Variants in GAS6 observed in about 807,000 individuals in gnomAD.
GAS6 encodes growth arrest-specific protein 6.
In GAS6, 41 loss-of-function variants were observed where a neutral mutation model predicts 75.8. The ratio of observed to expected loss-of-function variants is 0.54; its 90% CI spans 0.42 to 0.70. The LOEUF (loss-of-function observed/expected upper bound fraction) is 0.70. Among genes scored for constraint, GAS6 ranks in the 30% least tolerant of loss-of-function variants. The pLI is 0.00. For synonymous variants in GAS6, 432 were observed against 412.6 expected, an observed-to-expected ratio of 1.05 and a Z score of -0.57; for missense variants, 854 against 940.2, an observed-to-expected ratio of 0.91 and a Z score of 1.20.
intron 4 of GAS6, among the ~76,000 whole-genome samples, chr13:113,846,202 CAT>C (rs10547109): frequency 0.11 from 16,837 of 152,284 alleles, 1,131 homozygotes; most frequent in African/African-American, 0.18. Flanking sequence ...GCCGCTCACA[CAT>C]GTTTACATGT....
At chr13:113,860,082 C>T (rs1257895350) in intron 2 of GAS6, among the ~76,000 whole-genome samples, 1 of 152,236 alleles carries the variant, frequency 6.6e-6, no homozygotes, top group Middle Eastern at 3.2e-3. Context: ...GATGCACCAA[C>T]ATCCCATGCG....
At chr13:113,859,009 TGTTA>T (rs368803782) in intron 2 of GAS6, among the ~76,000 whole-genome samples, 1 of 151,908 alleles carries the variant, frequency 6.6e-6, no homozygotes, top group Non-Finnish European at 1.5e-5. Flanking sequence ...TATACATGTC[TGTTA>T]GTATGTGTGC....
At chr13:113,859,566 G>A (rs2051954075) in intron 2 of GAS6, among the ~76,000 whole-genome samples, 1 of 152,124 alleles carries the variant, frequency 6.6e-6, no homozygotes. Context: ...GTATATCTAT[G>A]TGAATGTGTG....
In GAS6 at chr13:113,837,651, T is replaced by C. The variant is rs751090437; in HGVS notation, c.589+418A>G. Among the ~76,000 whole-genome samples the C allele has an allele frequency of 6.6e-6, 1 of 151,978 alleles. No homozygotes were observed. The highest frequency in any genetic ancestry group is 2.1e-4 in the South Asian group (1 of 4,816). ...GTGGGGAGGGCAGGGCTATATTTAG[T>C]GGACAGAGGGAGACCAACAACGGGG... On this transcript the variant is annotated intron_variant, in intron 6 of 14. Coordinates refer to ENST00000327773, the MANE Select transcript of GAS6 (RefSeq NM_000820.4). The surrounding 1 kb of genome is among the most constrained non-coding windows in gnomAD (Gnocchi z 5.1).
chr13:113,834,578 C>T lies in GAS6; in HGVS notation c.807G>A (p.Lys269=). 1 of 1,602,234 alleles carries T rather than the reference C, an allele frequency of 6.2e-7. No individual in the cohort carries two copies. Among genetic ancestry groups the T allele is most frequent in the Non-Finnish European group, 8.5e-7 (1 of 1,175,404 alleles). The change falls in exon 8 of 15, where the codon AAG becomes AAA. Residue 269 remains lysine, a synonymous_variant. Coordinates refer to ENST00000327773, the MANE Select transcript of GAS6 (RefSeq NM_000820.4). ...TCHCDGRGGL[K]LSQDMDTCED... Reference sequence around the variant, plus strand: ...CACAGGTGTCCATGTCCTGGGACAGCTTGAGGCCCCCACGCCCGTCACAGT... The same window carrying T: ...CACAGGTGTCCATGTCCTGGGACAGTTTGAGGCCCCCACGCCCGTCACAGT...
In GAS6 at chr13:113,846,587, A is replaced by G. The variant is rs2051835668; in HGVS notation, c.283T>C (p.Cys95Arg). The change falls in exon 4 of 15, where the codon TGC becomes CGC. Residue 95 changes from cysteine (C) to arginine (R), a missense_variant and splice_region_variant. Cys to Arg is a radical substitution (Grantham distance 180). Coordinates refer to ENST00000327773, the MANE Select transcript of GAS6 (RefSeq NM_000820.4). ...TDYFYPRYLDCINKYGSPYTK... is the reference protein window; with the variant it reads ...TDYFYPRYLDRINKYGSPYTK... ...TACGGAGACCCATACTTGTTGATGC[A>G]GTCTGCAGGAAGAAAGGGAATGGAT... 6.2e-7 allele frequency: 1 copy of G among 1,613,764 alleles called. No individual in the cohort carries two copies. The highest frequency in any genetic ancestry group is 8.5e-7 in the Non-Finnish European group (1 of 1,179,714).
intron 10 of GAS6, among the ~76,000 whole-genome samples, chr13:113,830,916 G>T (rs1265721660): frequency 6.6e-6 from 1 of 152,270 alleles, no homozygotes; most frequent in Non-Finnish European, 1.5e-5. Context: ...TAGCTTTGCT[G>T]AGAACAGCCT....
chr13:113,863,707 G>A lies in GAS6; in HGVS notation c.123C>T (p.Phe41=), dbSNP rs201378406. 16 of 1,510,808 alleles carry A rather than the reference G, an allele frequency of 1.1e-5. No individual in the cohort carries two copies. Among genetic ancestry groups the A allele is most frequent in the Non-Finnish European group, 1.2e-5 (14 of 1,132,292 alleles). 93.6% of individuals were successfully genotyped at this position (1,510,808 alleles called of 1,614,324 possible). ...AGGCGCGGCGCTGCCTGGGCCGCAG[G>A]AACTGCGTGGCCTCGCGCGCCGGCA... The part of the protein sequence containing the change: ...ALLPAREATQ[F]LRPRQRRAFQ... Residue 41 remains phenylalanine, a synonymous_variant, in exon 2 of 15, where the codon TTC becomes TTT. Coordinates refer to ENST00000327773, the MANE Select transcript of GAS6 (RefSeq NM_000820.4). This position sits in a 1 kb window ranked among gnomAD's most constrained non-coding sequence, Gnocchi z 9.4.
At chr13:113,860,781 G>A (rs1023284452) in intron 2 of GAS6, among the ~76,000 whole-genome samples, 7 of 152,218 alleles carry the variant, frequency 4.6e-5, no homozygotes, top group Non-Finnish European at 1.0e-4. Context: ...AGAGGGCTGG[G>A]GAGGTGGGAG....
Position 113,842,626 on chromosome 13 carries a change from G to A in GAS6, c.344-2776C>T, listed in dbSNP as rs555922030. On this transcript the variant is annotated intron_variant, in intron 4 of 14. Coordinates refer to ENST00000327773, the MANE Select transcript of GAS6 (RefSeq NM_000820.4). Reference sequence around the variant, plus strand: ...CTTCTCCACCCTGGCCTCAGATGAAGAGGCTCTGGGGGCAGGAGGGAGTCA... The same window carrying A: ...CTTCTCCACCCTGGCCTCAGATGAAAAGGCTCTGGGGGCAGGAGGGAGTCA... The A allele has an allele frequency of 2.0e-5, 8 of 397,318 alleles. No homozygotes were observed. The South Asian group carries it at 1.0e-3, about 51-fold the overall frequency. The allele number at this position is 397,318 out of a possible 1,614,324, so 24.6% of individuals were successfully genotyped here. A position where few individuals can be genotyped will look rare whatever the true frequency, so the allele number is the denominator to read the frequency against.
rs1050268616 is a variant in GAS6 at position 113,863,815 on chromosome 13, C to T, written c.88+18G>A. The T allele has an allele frequency of 2.9e-6, 4 of 1,375,862 alleles. No homozygotes were observed. In the African/African-American group the frequency reaches 6.2e-5, roughly 21 times the overall value. The allele number at this position is 1,375,862 out of a possible 1,614,324, so 85.2% of individuals were successfully genotyped here. A position where few individuals can be genotyped will look rare whatever the true frequency, so the allele number is the denominator to read the frequency against. On this transcript the variant is annotated intron_variant, in intron 1 of 14. Transcript: ENST00000327773. This position sits in a 1 kb window ranked among gnomAD's most constrained non-coding sequence, Gnocchi z 9.4. ...CTCCCGCCGCCCGGGGACGGGGTCT[C>T]GGGCCCGCGGGACTCACCAAGCGCG... is the stretch of plus-strand genomic sequence containing the variant.
At position 113,820,798 on chromosome 13, in the gene GAS6, G is replaced by A. The variant is rs375036293; in HGVS notation, c.*66C>T. The A allele has an allele frequency of 6.5e-7, 1 of 1,538,252 alleles. No homozygotes were observed. Among genetic ancestry groups the A allele is most frequent in the East Asian group, 2.3e-5 (1 of 42,948 alleles). ...TCTCAGCATGGCCCCACGTGGTGAG[G>A]AGCCCCCAGGCTCCTCCCGGCTGTC... On this transcript the variant is annotated 3_prime_UTR_variant, in exon 15 of 15. Coordinates refer to ENST00000327773, the MANE Select transcript of GAS6 (RefSeq NM_000820.4).
intron 10 of GAS6, among the ~76,000 whole-genome samples, chr13:113,829,695 G>C (rs2051605037): frequency 6.9e-6 from 1 of 145,914 alleles, no homozygotes; most frequent in Non-Finnish European, 1.5e-5. Flanking sequence ...CTGACCTCAG[G>C]GAGTCCACCT....
At chr13:113,856,918 T>G (rs1168706150) in intron 2 of GAS6, among the ~76,000 whole-genome samples, 1 of 152,206 alleles carries the variant, frequency 6.6e-6, no homozygotes, top group East Asian at 1.9e-4. Flanking sequence ...CTGTGGACAG[T>G]TGGTCCTGGA....
intron 3 of GAS6, among the ~76,000 whole-genome samples, 164 bp from the exon 4 acceptor site, chr13:113,846,753 T>C (rs1252420812): frequency 6.6e-6 from 1 of 152,206 alleles, no homozygotes; most frequent in African/African-American, 2.4e-5. Context: ...AAAAACATGT[T>C]AGCCCCAACC....
In GAS6 at chr13:113,864,004, G is replaced by C; in HGVS notation, c.-84C>G. 9.8e-7 allele frequency: 1 copy of C among 1,020,064 alleles called. No individual in the cohort carries two copies. The allele number at this position is 1,020,064 out of a possible 1,614,324, so 63.2% of individuals were successfully genotyped here. ...GCGGGGCGGAGGCTCCGGTCATCCC[G>C]TCCTGGCGGCCCTGAAGGTCACATC... On this transcript the variant is annotated 5_prime_UTR_variant, in exon 1 of 15. Transcript: ENST00000327773.
chr13:113,825,902 T>C (rs1460635537), intron 12 of GAS6, among the ~76,000 whole-genome samples: 1 of 151,898 alleles, frequency 6.6e-6, no homozygotes, highest in Non-Finnish European at 1.5e-5. Context: ...GAACCTGGGG[T>C]TCCTGCTGGG....
intron 12 of GAS6, among the ~76,000 whole-genome samples, chr13:113,824,878 C>T (rs7399621): frequency 0.018 from 2,682 of 151,928 alleles, 79 homozygotes; most frequent in African/African-American, 0.062. Context: ...TCCTGTTTGC[C>T]GGTCTTCCCA....
chr13:113,843,007 TGATACCTCTAGGATGCAA>T, intron 4 of GAS6: 1 of 395,062 alleles, frequency 2.5e-6, no homozygotes, highest in Non-Finnish European at 4.4e-6. Context: ...GGGAATGTAT[TGATACCTCTAGGATGCAA>T]GGACGGAACC....
Sources: gnomAD v4.1 joint callset for allele counts (sites outside exome capture counted in the v4.1 genomes callset) on GRCh38, gnomAD v4.1.1 for gene constraint, Gnocchi (gnomAD v3.1) non-coding constraint, MANE v1.5 for transcripts, NCBI Gene and HGNC (gene_info 2026-07-23, HGNC 2026-07-21) for gene names.